AGBL4: variants seen among roughly 807,000 people sequenced by gnomAD.
AGBL4 encodes the protein cytosolic carboxypeptidase 6.
AGBL4 carries 58 observed loss-of-function variants against 66.4 expected under a neutral mutation model. That is an observed-to-expected ratio of 0.87 (90% CI 0.71 to 1.09). AGBL4 has a LOEUF of 1.09. AGBL4 is among the 50% of genes least tolerant of loss of function. AGBL4 has a pLI of 0.00. For synonymous variants in AGBL4, 234 were observed against 222.9 expected (o/e 1.05, Z -0.44); for missense variants, 579 against 631.0 (o/e 0.92, Z 0.88).
chr1:48,623,437 T>G (rs563149693), intron 9 of AGBL4, among the ~76,000 whole-genome samples: 4 of 152,344 alleles, frequency 2.6e-5, no homozygotes, highest in Non-Finnish European at 5.9e-5. Context: ...AATTTCCTGA[T>G]AGAAGGTTAA....
chr1:49,510,746 G>A (rs1649153403), intron 3 of AGBL4, among the ~76,000 whole-genome samples: 1 of 151,662 alleles, frequency 6.6e-6, no homozygotes, highest in Admixed American at 6.6e-5. Flanking sequence ...AATCCAACTT[G>A]AATTGATTTT....
chr1:48,727,641 C>T, intron 6 of AGBL4: 1 of 293,432 alleles, frequency 3.4e-6, no homozygotes, highest in South Asian at 1.3e-4. Context: ...AACCTTATCC[C>T]CCTCCAAGAA....
In AGBL4 at chr1:49,989,985, A is replaced by G. The variant is rs548685093; in HGVS notation, c.34+33778T>C. 2.6e-5 allele frequency among the ~76,000 whole-genome samples: 4 copies of G among 152,298 alleles called. No individual in the cohort carries two copies. In the South Asian group the frequency reaches 8.3e-4, roughly 32 times the overall value. On this transcript the variant is annotated intron_variant, in intron 1 of 13. Transcript: ENST00000371839. ...TTTCTTTCCAGAAAGGGTAAACACA[A>G]AAAATACTTAGTGAGTGAGGGGTGG...
intron 3 of AGBL4, among the ~76,000 whole-genome samples, chr1:49,533,920 G>A (rs537696882): frequency 6.6e-6 from 1 of 152,064 alleles, no homozygotes; most frequent in Non-Finnish European, 1.5e-5. Flanking sequence ...CACGCTGCAG[G>A]TTGGGCATAG....
intron 3 of AGBL4, among the ~76,000 whole-genome samples, chr1:49,560,360 TAGA>T (rs888190269): frequency 5.9e-5 from 9 of 151,972 alleles, no homozygotes; most frequent in African/African-American, 1.4e-4. Context: ...AGTCTTTCAA[TAGA>T]AGAATTGATA....
chr1:48,771,510 TA>T (rs1220919346), intron 6 of AGBL4, among the ~76,000 whole-genome samples: 2 of 152,198 alleles, frequency 1.3e-5, no homozygotes. Context: ...GAAATCACAT[TA>T]GACTGAACCC....
intron 2 of AGBL4, among the ~76,000 whole-genome samples, chr1:49,772,435 G>A (rs1006073706): frequency 6.6e-6 from 1 of 152,122 alleles, no homozygotes; most frequent in African/African-American, 2.4e-5. Context: ...AGGGTATTCT[G>A]AGTAGCACTT....
chr1:48,833,435 G>A (rs946409467), intron 6 of AGBL4, among the ~76,000 whole-genome samples: 1 of 152,172 alleles, frequency 6.6e-6, no homozygotes, highest in Non-Finnish European at 1.5e-5. Context: ...AAAAGAACTA[G>A]CTTGGTTCCT....
chr1:49,256,492 T>C (rs984097865), intron 3 of AGBL4, among the ~76,000 whole-genome samples: 1 of 152,152 alleles, frequency 6.6e-6, no homozygotes, highest in Admixed American at 6.5e-5. Flanking sequence ...AGTGCAAGAC[T>C]TCAAAACGCA....
At chr1:49,220,237 G>A (rs533453619) in intron 4 of AGBL4, among the ~76,000 whole-genome samples, 1 of 152,120 alleles carries the variant, frequency 6.6e-6, no homozygotes, top group Non-Finnish European at 1.5e-5. Flanking sequence ...CTTTTTCCCT[G>A]TTGCTTTTGC....
chr1:48,936,618 G>T (rs758373150), intron 5 of AGBL4, among the ~76,000 whole-genome samples: 1 of 152,156 alleles, frequency 6.6e-6, no homozygotes, highest in Non-Finnish European at 1.5e-5. Flanking sequence ...GTACTTGCTG[G>T]CATTGAAGTA....
At chr1:49,810,424 G>A (rs552268825) in intron 2 of AGBL4, among the ~76,000 whole-genome samples, 3 of 152,184 alleles carry the variant, frequency 2.0e-5, no homozygotes, top group South Asian at 4.2e-4. Flanking sequence ...TTTTAGTACA[G>A]GGAGATACCA....
intron 3 of AGBL4, among the ~76,000 whole-genome samples, chr1:49,595,813 A>G (rs1181586925): frequency 6.6e-6 from 1 of 152,066 alleles, no homozygotes. Context: ...TATTCACCTA[A>G]CTCTGTAACA....
intron 1 of AGBL4, among the ~76,000 whole-genome samples, chr1:49,868,495 C>T (rs1011343999): frequency 2.4e-4 from 36 of 152,140 alleles, no homozygotes; most frequent in African/African-American, 8.2e-4. Flanking sequence ...CTGACAAAAA[C>T]AAGCAATGAG....
chr1:48,883,290 C>A (rs939903761), intron 5 of AGBL4, among the ~76,000 whole-genome samples: 1 of 152,136 alleles, frequency 6.6e-6, no homozygotes, highest in Non-Finnish European at 1.5e-5. Context: ...TATCTTTTGT[C>A]TTTGTGCTAA....
chr1:49,131,737 T>C (rs1031925407), intron 4 of AGBL4, among the ~76,000 whole-genome samples: 13 of 152,108 alleles, frequency 8.5e-5, no homozygotes, highest in South Asian at 2.1e-4. Context: ...GATTTAGTGA[T>C]TGATTGAGTT....
At chr1:49,785,146 A>T (rs1278318307) in intron 2 of AGBL4, among the ~76,000 whole-genome samples, 3 of 152,108 alleles carry the variant, frequency 2.0e-5, no homozygotes, top group South Asian at 4.1e-4. Flanking sequence ...AGTAGATAGT[A>T]GAATGGTGGC....
At chr1:49,682,209 C>A (rs1646708351) in intron 3 of AGBL4, among the ~76,000 whole-genome samples, 1 of 152,022 alleles carries the variant, frequency 6.6e-6, no homozygotes, top group Non-Finnish European at 1.5e-5. Flanking sequence ...AGATCGAGAC[C>A]ATCCTGGCCA....
intron 4 of AGBL4, among the ~76,000 whole-genome samples, chr1:49,063,350 T>C (rs1049541600): frequency 2.6e-5 from 4 of 152,134 alleles, no homozygotes; most frequent in Non-Finnish European, 5.9e-5. Context: ...AATAAACAGG[T>C]AAATAGAATT....
Sources: allele counts gnomAD v4.1 joint callset (sites outside exome capture counted in the v4.1 genomes callset), GRCh38; gene constraint gnomAD v4.1.1; transcripts MANE v1.5; gene names NCBI Gene and HGNC (gene_info 2026-07-23, HGNC 2026-07-21).